The following MNAT1 variants were observed in gnomAD, a reference collection of about 807,000 sequenced individuals.
The protein encoded by MNAT1 is CDK-activating kinase assembly factor MAT1.
MNAT1 carries 43 observed loss-of-function variants against 42.0 expected under a neutral mutation model. That is an observed-to-expected ratio of 1.02 (90% CI 0.80 to 1.32). The LOEUF (loss-of-function observed/expected upper bound fraction) is 1.32. Among genes scored for constraint, MNAT1 ranks in the 40% most tolerant of loss-of-function variants. The pLI, the probability that MNAT1 is intolerant of heterozygous loss-of-function variation, is 0.00. For missense variants in MNAT1, 306 were observed against 350.4 expected (o/e 0.87, Z 1.01); for synonymous variants, 118 against 120.0 (o/e 0.98, Z 0.11).
intron 6 of MNAT1, among the ~76,000 whole-genome samples, chr14:60,827,931 A>C (rs117776391): frequency 2.0e-5 from 3 of 152,170 alleles, no homozygotes; most frequent in Non-Finnish European, 2.9e-5. Flanking sequence ...GAAGAGTTAC[A>C]TGTAAGTAAA....
intron 7 of MNAT1, among the ~76,000 whole-genome samples, chr14:60,942,217 C>T (rs545692394): frequency 4.6e-5 from 7 of 152,030 alleles, no homozygotes; most frequent in Non-Finnish European, 8.8e-5. Flanking sequence ...AAGAGTTCAG[C>T]CAAAAAGCAC....
chr14:60,911,403 TA>T (rs1459328974), intron 7 of MNAT1, among the ~76,000 whole-genome samples: 8 of 152,326 alleles, frequency 5.3e-5, no homozygotes, highest in African/African-American at 1.7e-4. Context: ...CTAGTTCTTT[TA>T]ATTCTGTTGT....
At chr14:60,844,398 A>G (rs1047353472) in intron 6 of MNAT1, among the ~76,000 whole-genome samples, 9 of 152,028 alleles carry the variant, frequency 5.9e-5, no homozygotes, top group Non-Finnish European at 1.0e-4. Context: ...TATCTCAGCA[A>G]TGTTTTGTAG....
At chr14:60,948,869 G>C (rs963920738) in intron 7 of MNAT1, among the ~76,000 whole-genome samples, 6 of 151,450 alleles carry the variant, frequency 4.0e-5, no homozygotes, top group African/African-American at 1.2e-4. Flanking sequence ...AGCAAGATAA[G>C]ATGATTTCAA....
intron 6 of MNAT1, among the ~76,000 whole-genome samples, chr14:60,857,384 C>G (rs1307642980): frequency 2.0e-5 from 3 of 152,126 alleles, no homozygotes; most frequent in African/African-American, 7.2e-5. Flanking sequence ...GCAGTAGAGC[C>G]TGATGGTGTA....
At chr14:60,927,842 A>T (rs972201476) in intron 7 of MNAT1, among the ~76,000 whole-genome samples, 4 of 152,282 alleles carry the variant, frequency 2.6e-5, no homozygotes, top group Middle Eastern at 6.8e-3. Flanking sequence ...TGACTGAGGG[A>T]TACAGCATTA....
intron 4 of MNAT1, among the ~76,000 whole-genome samples, chr14:60,809,571 T>G (rs1256196152): frequency 1.3e-5 from 2 of 152,148 alleles, no homozygotes; most frequent in Non-Finnish European, 2.9e-5. Context: ...ACTTTTATCA[T>G]GAAAGGGCGT....
intron 6 of MNAT1, among the ~76,000 whole-genome samples, chr14:60,834,127 G>A (rs2033305270): frequency 6.6e-6 from 1 of 152,084 alleles, no homozygotes; most frequent in African/African-American, 2.4e-5. Context: ...ACCAGCTCCT[G>A]TATTCATTGA....
At chr14:60,924,338 A>T (rs1341824574) in intron 7 of MNAT1, among the ~76,000 whole-genome samples, 1 of 151,148 alleles carries the variant, frequency 6.6e-6, no homozygotes, top group East Asian at 2.0e-4. Flanking sequence ...TTATATTACT[A>T]AGTTTGTGCT....
chr14:60,956,940 A>C (rs2036498005), intron 7 of MNAT1, among the ~76,000 whole-genome samples: 1 of 152,106 alleles, frequency 6.6e-6, no homozygotes, highest in Non-Finnish European at 1.5e-5. Context: ...TTATCCATTC[A>C]ACCACTCTAT....
chr14:60,822,826 G>C (rs1594779435), intron 6 of MNAT1, among the ~76,000 whole-genome samples: 3 of 151,988 alleles, frequency 2.0e-5, no homozygotes, highest in African/African-American at 7.2e-5. Flanking sequence ...ACACAATCTG[G>C]ACTCCCTGCA....
intron 6 of MNAT1, 111 bp from the exon 7 acceptor site, chr14:60,879,603 T>G: frequency 9.6e-7 from 1 of 1,046,964 alleles, no homozygotes; most frequent in Non-Finnish European, 1.4e-6. Flanking sequence ...GCACAACTAA[T>G]GGCTAATACT....
intron 6 of MNAT1, among the ~76,000 whole-genome samples, chr14:60,828,759 T>G (rs1021843478): frequency 6.6e-6 from 1 of 152,154 alleles, no homozygotes; most frequent in Non-Finnish European, 1.5e-5. Context: ...GGCTATAAAT[T>G]GAAGGTTCCC....
chr14:60,777,693 G>T (rs2031302663), intron 1 of MNAT1, among the ~76,000 whole-genome samples: 1 of 151,840 alleles, frequency 6.6e-6, no homozygotes, highest in African/African-American at 2.4e-5. Context: ...TTGGGAAAAG[G>T]TTATCTCTAC....
At chr14:60,865,582 T>G (rs2034185793) in intron 6 of MNAT1, among the ~76,000 whole-genome samples, 1 of 152,080 alleles carries the variant, frequency 6.6e-6, no homozygotes, top group African/African-American at 2.4e-5. Flanking sequence ...TGCTGGACAC[T>G]ATGTCCTCTT....
chr14:60,870,553 TC>T (rs1566803823), intron 6 of MNAT1, among the ~76,000 whole-genome samples: 1 of 152,112 alleles, frequency 6.6e-6, no homozygotes, highest in African/African-American at 2.4e-5. Flanking sequence ...CTTTATATAT[TC>T]CCCCACACCC....
intron 6 of MNAT1, among the ~76,000 whole-genome samples, chr14:60,869,143 A>G (rs981313532): frequency 1.3e-5 from 2 of 149,404 alleles, no homozygotes; most frequent in South Asian, 2.1e-4. Flanking sequence ...GGTTCAAGCA[A>G]TTCTCCTGCC....
chr14:60,810,424 G>A (rs1046476421), intron 4 of MNAT1, among the ~76,000 whole-genome samples: 6 of 151,980 alleles, frequency 3.9e-5, no homozygotes, highest in Admixed American at 6.6e-5. Flanking sequence ...TCCTTGAGAT[G>A]TAAAGCCAGG....
At chr14:60,795,268 C>T (rs2031976705) in intron 1 of MNAT1, among the ~76,000 whole-genome samples, 1 of 152,176 alleles carries the variant, frequency 6.6e-6, no homozygotes, top group African/African-American at 2.4e-5. Context: ...AAAGGAACTG[C>T]TCTCTCCTCC....
Sources: allele counts gnomAD v4.1 joint callset (sites outside exome capture counted in the v4.1 genomes callset), GRCh38; gene constraint gnomAD v4.1.1; transcripts MANE v1.5; gene names NCBI Gene and HGNC (gene_info 2026-07-23, HGNC 2026-07-21).